The following TRAF3IP3 variants were observed in gnomAD, a reference collection of about 807,000 sequenced individuals.
The protein encoded by TRAF3IP3 is TRAF3-interacting JNK-activating modulator.
Under a neutral mutation model 86.5 loss-of-function variants are expected in TRAF3IP3, and 64 were observed. The observed-to-expected ratio is 0.74, with a 90% CI of 0.60 to 0.91. The LOEUF is 0.91. Ranked by LOEUF, TRAF3IP3 falls within the 40% of genes least tolerant of loss-of-function variation. The pLI, the probability that TRAF3IP3 is intolerant of heterozygous loss-of-function variation, is 0.00. For missense variants in TRAF3IP3, 579 were observed against 642.9 expected, an observed-to-expected ratio of 0.90 and a Z score of 1.07; for synonymous variants, 220 against 243.9, an observed-to-expected ratio of 0.90 and a Z score of 0.91.
At chr1:209,766,859 G>T (rs1347885992) in intron 8 of TRAF3IP3, among the ~76,000 whole-genome samples, 3 of 152,144 alleles carry the variant, frequency 2.0e-5, no homozygotes. Flanking sequence ...GCAAGATTCT[G>T]TCTCAAAAAA....
In TRAF3IP3 at chr1:209,760,314, G is replaced by A. The variant is rs78296889; in HGVS notation, c.275G>A (p.Arg92Gln). 5,424 of 1,613,932 alleles carry A rather than the reference G, an allele frequency of 3.4e-3. 164 individuals are homozygous for A. The African/African-American group carries it at 0.058, about 17-fold the overall frequency. The change falls in exon 3 of 17, where the codon CGG becomes CAG. Residue 92 changes from arginine (R) to glutamine (Q), a missense_variant. By Grantham distance (43) the Arg-to-Gln change is conservative. Transcript: ENST00000367025. ...GCCAGGGAGCAAGGGCCCTCCAGGC[G>A]GCCAGGACAGGTGACTGTCCTCAAG... The part of the protein sequence containing the change: ...PQAREQGPSR[R>Q]PGQVTVLKEP...
At position 209,760,187 on chromosome 1, in the gene TRAF3IP3, A is replaced by G; in HGVS notation, c.148A>G (p.Arg50Gly). 6.2e-7 allele frequency: 1 copy of G among 1,614,224 alleles called. No individual in the cohort carries two copies. Among genetic ancestry groups the G allele is most frequent in the Non-Finnish European group, 8.5e-7 (1 of 1,180,036 alleles). ...TTGCCGCCAGGTGGGGAAGACGCTG[A>G]GGATCCAACAGAGAGAGCAGCTCCA... ...TTCRQVGKTLRIQQREQLQRA... is the reference protein window; with the variant it reads ...TTCRQVGKTLGIQQREQLQRA... Residue 50 changes from arginine (R) to glycine (G), a missense_variant, in exon 3 of 17, where the codon AGG becomes GGG. By Grantham distance (125) the Arg-to-Gly change is moderately radical. Transcript: ENST00000367025.
rs34176855 is a variant in TRAF3IP3, at chr1:209,780,531, A to AG, written c.1377dup (p.Lys460GlufsTer37). The AG allele has an allele frequency of 6.2e-7, 1 of 1,604,202 alleles. No homozygotes were observed. On this transcript the variant is annotated frameshift_variant, in exon 15 of 17. Coordinates refer to ENST00000367025, the MANE Select transcript of TRAF3IP3 (RefSeq NM_025228.4). LOFTEE classifies it high-confidence loss of function. ...CTAACGAAGTGGAGCCTGAGGGTAC[A>AG]GGGAAGGAGAAAGACTGGGATCTCA...
At chr1:209,766,108 G>A (rs893557345) in intron 8 of TRAF3IP3, among the ~76,000 whole-genome samples, 1 of 152,190 alleles carries the variant, frequency 6.6e-6, no homozygotes, top group African/African-American at 2.4e-5. Flanking sequence ...AAAGATGATG[G>A]GAGAGTATGG....
Position 209,762,526 on chromosome 1 carries a change from C to T in TRAF3IP3, c.357C>T (p.Thr119=). Residue 119 remains threonine, a synonymous_variant, in exon 4 of 17, where the codon ACC becomes ACT. Transcript: ENST00000367025. The part of the protein sequence containing the change: ...ISSPREQVTG[T]SSEVFPAQHP... ...CACTTGCCTTCCAGGTGACAGGCACCAGCTCTGAAGTCTTTCCAGCCCAGC... is the reference window on the plus strand; with the variant it reads ...CACTTGCCTTCCAGGTGACAGGCACTAGCTCTGAAGTCTTTCCAGCCCAGC... 6.9e-7 allele frequency: 1 copy of T among 1,450,382 alleles called. No individual in the cohort carries two copies. The highest frequency in any genetic ancestry group is 9.1e-7 in the Non-Finnish European group (1 of 1,098,040). The allele number at this position is 1,450,382 out of a possible 1,614,324, so 89.8% of individuals were successfully genotyped here. A position where few individuals can be genotyped will look rare whatever the true frequency, so the allele number is the denominator to read the frequency against.
In TRAF3IP3 at chr1:209,772,958, A is replaced by G; in HGVS notation, c.713A>G (p.Asn238Ser). Reference sequence around the variant, plus strand: ...TCCCATTTGCTCCAGGGACAGCTTAATGAAGACAAACTGAAGGGGAAACTG... The same window carrying G: ...TCCCATTTGCTCCAGGGACAGCTTAGTGAAGACAAACTGAAGGGGAAACTG... ...ASDSSWKGQL[N>S]EDKLKGKLRS... is the part of the protein sequence containing the mutation. Residue 238 changes from asparagine (N) to serine (S), a missense_variant, in exon 9 of 17, where the codon AAT (asparagine) becomes AGT (serine). Coordinates refer to ENST00000367025, the MANE Select transcript of TRAF3IP3 (RefSeq NM_025228.4). 2 of 1,614,002 alleles carry G rather than the reference A, an allele frequency of 1.2e-6. No homozygotes were observed. Among genetic ancestry groups the G allele is most frequent in the Non-Finnish European group, 1.7e-6 (2 of 1,179,930 alleles).
At chr1:209,756,518 C>T (rs2077157961) in intron 1 of TRAF3IP3, among the ~76,000 whole-genome samples, 1 of 152,240 alleles carries the variant, frequency 6.6e-6, no homozygotes, top group Non-Finnish European at 1.5e-5. Flanking sequence ...CACCACTCCT[C>T]TGTTCCAGTA....
At chr1:209,780,368 C>G in intron 14 of TRAF3IP3, 102 bp from the exon 15 acceptor site, 1 of 1,198,678 alleles carries the variant, frequency 8.3e-7, no homozygotes, top group Non-Finnish European at 1.1e-6. Flanking sequence ...GCACGCCCTC[C>G]CAAGTTCCCT....
At position 209,760,243 on chromosome 1, in the gene TRAF3IP3, G is replaced by A. The variant is rs765479619; in HGVS notation, c.204G>A (p.Arg68=). The A allele has an allele frequency of 3.7e-6, 6 of 1,614,260 alleles. No individual in the cohort carries two copies. The highest frequency in any genetic ancestry group is 1.7e-6 in the Non-Finnish European group (2 of 1,180,046). ...CTCGACTGCAGCAGTTCTTCAGGAG[G>A]AGGAACCTGGAGCTAGAGGAGAAGG... ...QRARLQQFFR[R]RNLELEEKGK... is the part of the protein sequence containing the mutation. The change falls in exon 3 of 17, where the codon AGG becomes AGA. Residue 68 remains arginine (R), a synonymous_variant. Coordinates refer to ENST00000367025, the MANE Select transcript of TRAF3IP3 (RefSeq NM_025228.4).
At chr1:209,768,551 AGCT>A (rs1381302564) in intron 8 of TRAF3IP3, 16 of 985,566 alleles carry the variant, frequency 1.6e-5, no homozygotes, top group Non-Finnish European at 1.9e-5. Context: ...CAGAGAGATG[AGCT>A]GTGGGCTGGT....
chr1:209,773,084 A>G, intron 9 of TRAF3IP3, 65 bp downstream of exon 9: 1 of 1,387,814 alleles, frequency 7.2e-7, no homozygotes, highest in Non-Finnish European at 1.0e-6. Flanking sequence ...ATGTTTTTGA[A>G]CCTCAATCTT....
chr1:209,774,096 G>A (rs2077602709), intron 9 of TRAF3IP3, among the ~76,000 whole-genome samples: 1 of 152,198 alleles, frequency 6.6e-6, no homozygotes, highest in South Asian at 2.1e-4. Flanking sequence ...TTACACAGTA[G>A]GTAATCCAGA....
chr1:209,780,616 T>C lies in TRAF3IP3; in HGVS notation c.1449+10T>C, dbSNP rs1473186668. The C allele has an allele frequency of 1.9e-6, 3 of 1,565,142 alleles. No individual in the cohort carries two copies. Among genetic ancestry groups the C allele is most frequent in the Non-Finnish European group, 2.6e-6 (3 of 1,152,308 alleles). Reference sequence around the variant, plus strand: ...GGCCAAGGAAAAGGAGGTGAGAGGGTGACCTGAGATAGTGAGGGCTCATTT... The same window carrying C: ...GGCCAAGGAAAAGGAGGTGAGAGGGCGACCTGAGATAGTGAGGGCTCATTT... On this transcript the variant is annotated intron_variant, in intron 15 of 16. Coordinates refer to ENST00000367025, the MANE Select transcript of TRAF3IP3 (RefSeq NM_025228.4).
At position 209,758,097 on chromosome 1, in the gene TRAF3IP3, A is replaced by G. The variant is rs1200499076; in HGVS notation, c.-159-937A>G. 2.0e-5 allele frequency among the ~76,000 whole-genome samples: 3 copies of G among 152,234 alleles called. No homozygotes were observed. In the East Asian group the frequency reaches 5.8e-4, roughly 29 times the overall value. ...TGTAGGTTCTAGACATGGAGTTCAC[A>G]TGCACATAATCCTGCGTCTCCTCCA... On this transcript the variant is annotated intron_variant, in intron 1 of 16. Coordinates refer to ENST00000367025, the MANE Select transcript of TRAF3IP3 (RefSeq NM_025228.4).
chr1:209,777,714 CT>C, intron 12 of TRAF3IP3: 2 of 517,812 alleles, frequency 3.9e-6, no homozygotes, highest in Non-Finnish European at 6.7e-6. Context: ...TGTCTGAGCT[CT>C]CTTTTTTAGC....
chr1:209,761,684 G>C (rs959783677), intron 3 of TRAF3IP3, among the ~76,000 whole-genome samples: 6 of 152,254 alleles, frequency 3.9e-5, no homozygotes, highest in Admixed American at 6.5e-5. Flanking sequence ...TAAGAGAAAG[G>C]AGGCTTTCCT....
At chr1:209,765,104 A>T (rs1469132804) in intron 8 of TRAF3IP3, among the ~76,000 whole-genome samples, 2 of 150,924 alleles carry the variant, frequency 1.3e-5, no homozygotes, top group African/African-American at 4.9e-5. Context: ...GAGCCCAGGA[A>T]GTGGAGGTTG....
At chr1:209,777,567 A>C in intron 12 of TRAF3IP3, 80 bp downstream of exon 12, 2 of 1,410,600 alleles carry the variant, frequency 1.4e-6, no homozygotes, top group Non-Finnish European at 1.9e-6. Context: ...AATTAAGAGA[A>C]AGGCTTCAGC....
intron 8 of TRAF3IP3, among the ~76,000 whole-genome samples, chr1:209,771,062 A>AGG (rs1413723284): frequency 5.3e-5 from 2 of 37,534 alleles, no homozygotes; most frequent in Non-Finnish European, 9.1e-5. Flanking sequence ...GTGCATGTGG[A>AGG]GGTGTGTGTG....
Sources: gnomAD v4.1 joint callset for allele counts (sites outside exome capture counted in the v4.1 genomes callset) on GRCh38, gnomAD v4.1.1 for gene constraint, MANE v1.5 for transcripts, NCBI Gene and HGNC (gene_info 2026-07-23, HGNC 2026-07-21) for gene names.